The following FIGN variants were observed in gnomAD, a reference collection of about 807,000 sequenced individuals.
FIGN encodes fidgetin, microtubule severing factor.
A neutral mutation model predicts 51.3 loss-of-function variants in FIGN; 11 were observed. The observed-to-expected ratio is 0.21, with a 90% CI of 0.13 to 0.35. FIGN has a LOEUF of 0.35. FIGN is among the 10% of genes least tolerant of loss of function. The pLI is 1.00. For missense variants in FIGN, 857 were observed against 943.6 expected, an observed-to-expected ratio of 0.91 and a Z score of 1.20; for synonymous variants, 407 against 363.2, an observed-to-expected ratio of 1.12 and a Z score of -1.37.
chr2:163,681,823 A>G (rs976581673), intron 2 of FIGN, among the ~76,000 whole-genome samples: 3 of 152,194 alleles, frequency 2.0e-5, no homozygotes, highest in Non-Finnish European at 4.4e-5. Context: ...AACTCTGTGG[A>G]GAATGCTAGA....
At chr2:163,647,599 G>T (rs1323554468) in intron 2 of FIGN, among the ~76,000 whole-genome samples, 2 of 152,140 alleles carry the variant, frequency 1.3e-5, no homozygotes, top group Non-Finnish European at 2.9e-5. Context: ...GAACAAGCCA[G>T]ACTAGAACTT....
chr2:163,639,703 A>C (rs1216786389), intron 2 of FIGN, among the ~76,000 whole-genome samples: 1 of 152,168 alleles, frequency 6.6e-6, no homozygotes, highest in African/African-American at 2.4e-5. Context: ...ATCATTAACA[A>C]CAACAACAAA....
chr2:163,639,053 G>T (rs1683268252), intron 2 of FIGN, among the ~76,000 whole-genome samples: 1 of 152,066 alleles, frequency 6.6e-6, no homozygotes, highest in South Asian at 2.1e-4. Flanking sequence ...TTGTTTGCTT[G>T]TTACTAAGAA....
intron 2 of FIGN, among the ~76,000 whole-genome samples, chr2:163,708,816 G>A (rs1684542504): frequency 6.6e-6 from 1 of 152,088 alleles, no homozygotes; most frequent in African/African-American, 2.4e-5. Flanking sequence ...GTCTAGAATT[G>A]CTTCCACAAA....
intron 2 of FIGN, among the ~76,000 whole-genome samples, chr2:163,641,525 C>T (rs79616515): frequency 0.035 from 5,340 of 152,316 alleles, 233 homozygotes; most frequent in African/African-American, 0.095. Flanking sequence ...AGGCTTAGGC[C>T]TCCTCTACCA....
chr2:163,605,545 A>G lies in FIGN; in HGVS notation c.*4007T>C, dbSNP rs975400325. 1 of 152,134 alleles carries G rather than the reference A, an allele frequency of 6.6e-6. No homozygotes were observed. The highest frequency in any genetic ancestry group is 2.4e-5 in the African/African-American group (1 of 41,452). The allele number at this position is 152,134 out of a possible 1,614,324, so 9.4% of individuals were successfully genotyped here. ...AGGAAGTAACAAGTTGCTTCTGAAT[A>G]ATGAAAAGTAGACGTCTGTTTTAAA... On this transcript the variant is annotated 3_prime_UTR_variant, in exon 3 of 3. Coordinates refer to ENST00000333129, the MANE Select transcript of FIGN (RefSeq NM_018086.4).
At chr2:163,731,038 A>C (rs1684919826) in intron 2 of FIGN, among the ~76,000 whole-genome samples, 2 of 152,184 alleles carry the variant, frequency 1.3e-5, no homozygotes, top group African/African-American at 2.4e-5. Flanking sequence ...TTTCAAATAC[A>C]TCTAGTAATT....
Position 163,611,698 on chromosome 2 carries a change from T to C in FIGN, c.134A>G (p.His45Arg), listed in dbSNP as rs1558995257. The C allele has an allele frequency of 6.2e-7, 1 of 1,614,218 alleles. No individual in the cohort carries two copies. The highest frequency in any genetic ancestry group is 8.5e-7 in the Non-Finnish European group (1 of 1,180,022). ...GGCGTACTGATAGGTGCGCTGCAGA[T>C]GACCTCTGTAGGCTTCAACTTTGTG... ...PAHKVEAYRG[H>R]LQRTYQYAWA... The change falls in exon 3 of 3, where the codon CAT becomes CGT. Residue 45 changes from histidine (H) to arginine (R), a missense_variant. Transcript: ENST00000333129.
chr2:163,711,657 CAAA>C (rs35141137), intron 2 of FIGN, among the ~76,000 whole-genome samples: 1 of 133,428 alleles, frequency 7.5e-6, no homozygotes. Context: ...ATTGTTTCTA[CAAA>C]AAAAAAAAAA....
chr2:163,734,212 C>A (rs1048342741), intron 2 of FIGN, among the ~76,000 whole-genome samples: 2 of 151,872 alleles, frequency 1.3e-5, no homozygotes, highest in African/African-American at 4.8e-5. Context: ...GTAAAAAGCG[C>A]TGACAGGCAG....
intron 2 of FIGN, among the ~76,000 whole-genome samples, chr2:163,664,360 T>C (rs1683739658): frequency 6.6e-6 from 1 of 152,230 alleles, no homozygotes; most frequent in African/African-American, 2.4e-5. Context: ...CTGAATACTT[T>C]TGTACATTTC....
chr2:163,704,710 C>T (rs367824110), intron 2 of FIGN, among the ~76,000 whole-genome samples: 1 of 143,380 alleles, frequency 7.0e-6, no homozygotes, highest in East Asian at 2.2e-4. Flanking sequence ...AAATGCTCAA[C>T]AAATAGCGGT....
chr2:163,735,133 G>T, intron 1 of FIGN, 61 bp from the exon 2 acceptor site: 1 of 543,378 alleles, frequency 1.8e-6, no homozygotes, highest in Non-Finnish European at 3.2e-6. Context: ...CAGATCACAG[G>T]AGAAGAAAGA....
At position 163,620,242 on chromosome 2, in the gene FIGN, A is replaced by T. The variant is rs974013907; in HGVS notation, c.26-8436T>A. ...CAGTTTAAATAGCACTTTGTAGTTA[A>T]CCTTTAAAGTTGTTACTTTGCAGCC... On this transcript the variant is annotated intron_variant, in intron 2 of 2. Coordinates refer to ENST00000333129, the MANE Select transcript of FIGN (RefSeq NM_018086.4). 3.3e-5 allele frequency among the ~76,000 whole-genome samples: 5 copies of T among 152,194 alleles called. 1 individual carries two copies. The highest frequency in any genetic ancestry group is 7.4e-5 in the Non-Finnish European group (5 of 68,002).
intron 2 of FIGN, among the ~76,000 whole-genome samples, chr2:163,729,572 A>T (rs79803116): frequency 0.013 from 1,926 of 152,244 alleles, 14 homozygotes; most frequent in Non-Finnish European, 0.022. Flanking sequence ...ATTATAAAAC[A>T]TACTTTCTAA....
chr2:163,715,319 G>A (rs527747163), intron 2 of FIGN, among the ~76,000 whole-genome samples: 2 of 152,296 alleles, frequency 1.3e-5, no homozygotes, highest in South Asian at 2.1e-4. Flanking sequence ...CCTCCAGGAG[G>A]GGGGATTTGA....
chr2:163,677,962 G>T (rs893958371), intron 2 of FIGN, among the ~76,000 whole-genome samples: 2 of 152,138 alleles, frequency 1.3e-5, no homozygotes, highest in Non-Finnish European at 1.5e-5. Context: ...GACCTTTTAA[G>T]AATAGTTTTA....
At chr2:163,656,970 A>G (rs1416476330) in intron 2 of FIGN, among the ~76,000 whole-genome samples, 1 of 152,180 alleles carries the variant, frequency 6.6e-6, no homozygotes, top group Non-Finnish European at 1.5e-5. Flanking sequence ...CTGAATGTAT[A>G]TGGAAAACAG....
chr2:163,620,894 T>A (rs947489692), intron 2 of FIGN, among the ~76,000 whole-genome samples: 11 of 139,792 alleles, frequency 7.9e-5, no homozygotes, highest in African/African-American at 2.7e-4. Context: ...ATTTCAACTA[T>A]CTAAATGCAA....
Sources: gnomAD v4.1 joint callset for allele counts (sites outside exome capture counted in the v4.1 genomes callset) on GRCh38, gnomAD v4.1.1 for gene constraint, MANE v1.5 for transcripts, NCBI Gene and HGNC (gene_info 2026-07-23, HGNC 2026-07-21) for gene names.